Variants in M1AP observed in about 807,000 individuals in gnomAD.
M1AP encodes meiosis 1 associated protein.
M1AP carries 39 observed loss-of-function variants against 51.2 expected under a neutral mutation model. The observed-to-expected ratio is 0.76, with a 90% CI of 0.59 to 1.00. The LOEUF is 1.00. Ranked by LOEUF, M1AP falls within the 50% of genes least tolerant of loss-of-function variation. The pLI, the probability that M1AP is intolerant of heterozygous loss-of-function variation, is 0.00. For synonymous variants in M1AP, 251 were observed against 249.2 expected, an observed-to-expected ratio of 1.01 and a Z score of -0.07; for missense variants, 545 against 641.2, an observed-to-expected ratio of 0.85 and a Z score of 1.62.
intron 2 of M1AP, among the ~76,000 whole-genome samples, chr2:74,616,259 C>G (rs868267399): frequency 2.0e-5 from 3 of 152,108 alleles, no homozygotes; most frequent in African/African-American, 2.4e-5. Flanking sequence ...CAATGTACCC[C>G]CTTATGCATT....
chr2:74,575,275 A>T, intron 7 of M1AP, 163 bp downstream of exon 7: 1 of 1,429,328 alleles, frequency 7.0e-7, no homozygotes, highest in Non-Finnish European at 9.1e-7. Context: ...AAACCAACAA[A>T]AGGCAAGTCA....
chr2:74,626,704 T>C (rs1422291581), intron 2 of M1AP, among the ~76,000 whole-genome samples: 1 of 152,268 alleles, frequency 6.6e-6, no homozygotes, highest in East Asian at 1.9e-4. Context: ...TGCTGGTAGA[T>C]GCTGTGAGTA....
Position 74,591,141 on chromosome 2 carries a change from G to A in M1AP, c.596-9294C>T, listed in dbSNP as rs369723957. On this transcript the variant is annotated intron_variant, in intron 4 of 10. Coordinates refer to ENST00000421985, the MANE Select transcript of M1AP (RefSeq NM_001321739.2). ...ATAAGGGATGATAGAGTATAAAGCC[G>A]CCTCCCAGCTGTCTATGTAGTAGAT... Among the ~76,000 whole-genome samples, 11 of 152,264 alleles carry A rather than the reference G, an allele frequency of 7.2e-5. No homozygotes were observed. The East Asian group carries it at 7.7e-4, about 11-fold the overall frequency.
At chr2:74,623,113 T>C (rs1159984572) in intron 2 of M1AP, among the ~76,000 whole-genome samples, 1 of 152,078 alleles carries the variant, frequency 6.6e-6, no homozygotes, top group Non-Finnish European at 1.5e-5. Flanking sequence ...TCCTAAAATA[T>C]ACCAGCTAAA....
chr2:74,596,628 C>T (rs569803314), intron 4 of M1AP, among the ~76,000 whole-genome samples: 1 of 152,114 alleles, frequency 6.6e-6, no homozygotes, highest in South Asian at 2.1e-4. Context: ...AACAGTAAGA[C>T]CCAAGATAAA....
chr2:74,577,372 G>A (rs1332688697), intron 5 of M1AP, among the ~76,000 whole-genome samples: 1 of 152,204 alleles, frequency 6.6e-6, no homozygotes, highest in Admixed American at 6.5e-5. Context: ...ATGCCATAGT[G>A]TATGATGATC....
chr2:74,597,654 C>T (rs993635857), intron 4 of M1AP, among the ~76,000 whole-genome samples: 1 of 152,148 alleles, frequency 6.6e-6, no homozygotes, highest in East Asian at 1.9e-4. Flanking sequence ...AGATGGTTTG[C>T]GAGCACTTAG....
At chr2:74,572,838 C>A (rs1336320279) in intron 7 of M1AP, among the ~76,000 whole-genome samples, 1 of 152,148 alleles carries the variant, frequency 6.6e-6, no homozygotes, top group Non-Finnish European at 1.5e-5. Context: ...TCAACTACAT[C>A]CCTGCCCTTT....
chr2:74,627,557 G>C (rs1682471604), intron 2 of M1AP, among the ~76,000 whole-genome samples: 1 of 151,956 alleles, frequency 6.6e-6, no homozygotes, highest in South Asian at 2.1e-4. Flanking sequence ...GTAAAAGATA[G>C]ATTTTATTAG....
chr2:74,575,444 G>GGTA lies in M1AP; in HGVS notation c.1067_1068insTAC (p.Ser356_Leu357insThr). The GGTA allele has an allele frequency of 6.2e-7, 1 of 1,614,064 alleles. No individual in the cohort carries two copies. Among genetic ancestry groups the GGTA allele is most frequent in the Non-Finnish European group, 8.5e-7 (1 of 1,180,010 alleles). On this transcript the variant is annotated inframe_insertion, in exon 7 of 11. Coordinates refer to ENST00000421985, the MANE Select transcript of M1AP (RefSeq NM_001321739.2). ...TGGGGACATGGGTACTCACCAGCAG[G>GGTA]CTGTGACACAAAGCATGGAAATGTT...
At position 74,640,084 on chromosome 2, in the gene M1AP, G is replaced by A. The variant is rs545777805; in HGVS notation, c.192C>T (p.Phe64=). The A allele has an allele frequency of 1.2e-6, 2 of 1,614,190 alleles. No individual in the cohort carries two copies. The highest frequency in any genetic ancestry group is 2.2e-5 in the East Asian group (1 of 44,890). ...SLMGPSRMSL[F]SLYMVQDQHE... is the part of the protein sequence containing the mutation. ...GCTGATCTTGTACCATGTATAAACTGAACAGGGACATGCGGCTGGGGCCCA... is the reference window on the plus strand; with the variant it reads ...GCTGATCTTGTACCATGTATAAACTAAACAGGGACATGCGGCTGGGGCCCA... The change falls in exon 2 of 11, where the codon TTC becomes TTT. Residue 64 remains phenylalanine (F), a synonymous_variant. Transcript: ENST00000421985.
At chr2:74,594,698 A>T (rs940057948) in intron 4 of M1AP, among the ~76,000 whole-genome samples, 2 of 151,746 alleles carry the variant, frequency 1.3e-5, no homozygotes, top group Admixed American at 1.3e-4. Flanking sequence ...ACATGGTGAA[A>T]CTTCATCTCT....
intron 5 of M1AP, 127 bp downstream of exon 5, chr2:74,581,547 C>A (rs1458678569): frequency 1.2e-6 from 1 of 843,242 alleles, no homozygotes; most frequent in Non-Finnish European, 1.9e-6. Flanking sequence ...TATTGGACAG[C>A]CTCATCCAAC....
intron 7 of M1AP, among the ~76,000 whole-genome samples, chr2:74,566,952 T>C (rs1305461727): frequency 6.6e-6 from 1 of 152,178 alleles, no homozygotes; most frequent in African/African-American, 2.4e-5. Context: ...CTGAAAGACC[T>C]AGGTGGTATT....
chr2:74,643,165 A>G (rs954528648), intron 1 of M1AP, among the ~76,000 whole-genome samples: 5 of 152,198 alleles, frequency 3.3e-5, no homozygotes, highest in African/African-American at 4.8e-5. Flanking sequence ...ATGAAAAAAA[A>G]GTCAGATCAT....
At chr2:74,582,096 A>G (rs186479343) in intron 4 of M1AP, among the ~76,000 whole-genome samples, 1 of 152,216 alleles carries the variant, frequency 6.6e-6, no homozygotes, top group East Asian at 1.9e-4. Flanking sequence ...CGACTGACTA[A>G]TTTTTTAAAA....
intron 4 of M1AP, among the ~76,000 whole-genome samples, chr2:74,600,588 C>T (rs1351067113): frequency 6.6e-6 from 1 of 152,212 alleles, no homozygotes; most frequent in East Asian, 1.9e-4. Context: ...AAGAAAGCAT[C>T]TGGCTTTCCC....
intron 1 of M1AP, among the ~76,000 whole-genome samples, chr2:74,643,288 G>C (rs558812172): frequency 6.6e-6 from 1 of 152,014 alleles, no homozygotes; most frequent in African/African-American, 2.4e-5. Flanking sequence ...TCCACATACA[G>C]CAATGAAGAT....
chr2:74,614,278 A>C (rs1011011416), intron 3 of M1AP, among the ~76,000 whole-genome samples: 1 of 152,294 alleles, frequency 6.6e-6, no homozygotes, highest in South Asian at 2.1e-4. Flanking sequence ...TCTAAAAAAT[A>C]TTGTTGATTT....
Sources: allele counts gnomAD v4.1 joint callset (sites outside exome capture counted in the v4.1 genomes callset), GRCh38; gene constraint gnomAD v4.1.1; transcripts MANE v1.5; gene names NCBI Gene and HGNC (gene_info 2026-07-23, HGNC 2026-07-21).